SPTBN4: variants seen among roughly 807,000 people sequenced by gnomAD.
The protein encoded by SPTBN4 is spectrin beta chain, non-erythrocytic 4.
In SPTBN4, 96 loss-of-function variants were observed where a neutral mutation model predicts 277.8. The observed-to-expected ratio is 0.35, with a 90% CI of 0.29 to 0.41. The LOEUF (loss-of-function observed/expected upper bound fraction) is 0.41, where lower values mean the gene tolerates loss of function less well. Ranked by LOEUF, SPTBN4 falls within the 10% of genes least tolerant of loss-of-function variation. The pLI, the probability that SPTBN4 is intolerant of heterozygous loss-of-function variation, is 1.00. For missense variants in SPTBN4, 3,006 were observed against 3,595.7 expected (o/e 0.84, Z 4.19); for synonymous variants, 1,481 against 1,580.3 (o/e 0.94, Z 1.49).
At position 40,515,271 on chromosome 19, in the gene SPTBN4, C is replaced by T. The variant is rs746451914; in HGVS notation, c.2766-40C>T. The T allele has an allele frequency of 8.7e-6, 14 of 1,601,968 alleles. No homozygotes were observed. Among genetic ancestry groups the T allele is most frequent in the South Asian group, 7.9e-5 (7 of 88,364 alleles). ...GAAGGTATTTCATAAAACCAAGGTCCGCAGGGTTCGGGTGTCTGAGCATCT... is the reference window on the plus strand; with the variant it reads ...GAAGGTATTTCATAAAACCAAGGTCTGCAGGGTTCGGGTGTCTGAGCATCT... On this transcript the variant is annotated intron_variant, in intron 14 of 35. Coordinates refer to ENST00000598249, the MANE Select transcript of SPTBN4 (RefSeq NM_020971.3). This position sits in a 1 kb window ranked among gnomAD's most constrained non-coding sequence, Gnocchi z 4.1.
intron 20 of SPTBN4, 100 bp downstream of exon 20, chr19:40,534,443 A>T: frequency 7.1e-7 from 1 of 1,399,830 alleles, no homozygotes; most frequent in South Asian, 1.4e-5. Flanking sequence ...GGGATTTAAT[A>T]CAGGGATTTA....
chr19:40,497,064 C>T (rs2080206033), intron 6 of SPTBN4, among the ~76,000 whole-genome samples: 1 of 128,586 alleles, frequency 7.8e-6, no homozygotes. Context: ...CAGAGCGAGA[C>T]TCCATCTCAA....
At chr19:40,529,224 T>G in intron 18 of SPTBN4, 93 bp downstream of exon 18, 1 of 1,234,960 alleles carries the variant, frequency 8.1e-7, no homozygotes, top group South Asian at 1.2e-5. Context: ...ACGCCCCGTC[T>G]AAGTGGGTCG....
intron 17 of SPTBN4, among the ~76,000 whole-genome samples, chr19:40,527,236 C>G (rs2080603296): frequency 6.6e-6 from 1 of 152,302 alleles, no homozygotes; most frequent in South Asian, 2.1e-4. Flanking sequence ...CCTCTCTAAC[C>G]CTGTCTTTTC....
In SPTBN4 at chr19:40,532,782, T is replaced by G. The variant is rs758421153; in HGVS notation, c.4095+11T>G. On this transcript the variant is annotated intron_variant, in intron 19 of 35. Transcript: ENST00000598249. The stretch of plus-strand genomic sequence containing the variant: ...GAGAAGATCGAGCGGGTGAGGAAGC[T>G]GATGGCCCCTCTGCCTGTGCCAGGT... 1 of 1,604,890 alleles carries G rather than the reference T, an allele frequency of 6.2e-7. No homozygotes were observed. The highest frequency in any genetic ancestry group is 8.5e-7 in the Non-Finnish European group (1 of 1,174,714).
intron 20 of SPTBN4, among the ~76,000 whole-genome samples, chr19:40,540,814 CAAAAAAAAAA>C (rs58695945): frequency 2.5e-5 from 2 of 79,322 alleles, no homozygotes; most frequent in Admixed American, 1.8e-4. Context: ...ACCCCCATCT[CAAAAAAAAAA>C]AAAAAAAAAA....
Position 40,487,588 on chromosome 19 carries a change from G to A in SPTBN4, c.170-109G>A, listed in dbSNP as rs983504588. Reference sequence around the variant, plus strand: ...CTCGAACTCCTACCTCAGGTGATCCGCCTGTGAGGCTGGACTCTTGCAGAG... The same window carrying A: ...CTCGAACTCCTACCTCAGGTGATCCACCTGTGAGGCTGGACTCTTGCAGAG... On this transcript the variant is annotated intron_variant, in intron 2 of 35. Coordinates refer to ENST00000598249, the MANE Select transcript of SPTBN4 (RefSeq NM_020971.3). The A allele has an allele frequency of 7.2e-6, 10 of 1,380,056 alleles. No individual in the cohort carries two copies. In the South Asian group the frequency reaches 1.2e-4, roughly 17 times the overall value. 85.5% of individuals were successfully genotyped at this position (1,380,056 alleles called of 1,614,324 possible). A position where few individuals can be genotyped will look rare whatever the true frequency, so the allele number is the denominator to read the frequency against.
At chr19:40,509,320 A>G (rs1460981278) in intron 13 of SPTBN4, among the ~76,000 whole-genome samples, 4 of 152,054 alleles carry the variant, frequency 2.6e-5, no homozygotes, top group Non-Finnish European at 1.5e-5. Flanking sequence ...ATCTCGGCTC[A>G]CTGCAACCTC....
At position 40,519,058 on chromosome 19, in the gene SPTBN4, G is replaced by GC. The variant is rs2145875500; in HGVS notation, c.2904-342dup. Among the ~76,000 whole-genome samples, 1 of 152,278 alleles carries GC rather than the reference G, an allele frequency of 6.6e-6. No homozygotes were observed. The highest frequency in any genetic ancestry group is 1.5e-5 in the Non-Finnish European group (1 of 68,010). On this transcript the variant is annotated intron_variant, in intron 15 of 35. Transcript: ENST00000598249. The surrounding 1 kb of genome is among the most constrained non-coding windows in gnomAD (Gnocchi z 5.7). ...GTCTGGTTTAAGAGATGGCAGCTGG[G>GC]CTTCTCTTAAATCAGAGTCGGCTTC...
At chr19:40,540,443 T>C (rs1340618165) in intron 20 of SPTBN4, among the ~76,000 whole-genome samples, 2 of 151,954 alleles carry the variant, frequency 1.3e-5, no homozygotes, top group Non-Finnish European at 2.9e-5. Context: ...GGTCTCACTA[T>C]GTTACCCAGG....
intron 19 of SPTBN4, among the ~76,000 whole-genome samples, chr19:40,533,635 A>C (rs1217429514): frequency 1.3e-5 from 2 of 152,032 alleles, no homozygotes; most frequent in Non-Finnish European, 2.9e-5. Flanking sequence ...ATGGAAGTTC[A>C]TTCTCTCCCT....
At chr19:40,477,314 G>T (rs1016201375) in intron 2 of SPTBN4, among the ~76,000 whole-genome samples, 1 of 152,140 alleles carries the variant, frequency 6.6e-6, no homozygotes, top group Non-Finnish European at 1.5e-5. Context: ...CTCCCAAAGT[G>T]TTGGGATTAC....
At position 40,490,224 on chromosome 19, in the gene SPTBN4, C is replaced by G; in HGVS notation, c.471C>G (p.Val157=). ...ATCACCGGCTGACGCTGGGGCTGGT[C>G]TGGACCATCATCCTGCGCTTCCAGG... ...DGNHRLTLGL[V]WTIILRFQIQ... Residue 157 remains valine (V), a synonymous_variant, in exon 4 of 36, where the codon GTC becomes GTG. Coordinates refer to ENST00000598249, the MANE Select transcript of SPTBN4 (RefSeq NM_020971.3). This position sits in a 1 kb window ranked among gnomAD's most constrained non-coding sequence, Gnocchi z 4.3. The G allele has an allele frequency of 6.2e-7, 1 of 1,614,100 alleles. No homozygotes were observed. Among genetic ancestry groups the G allele is most frequent in the Non-Finnish European group, 8.5e-7 (1 of 1,179,968 alleles).
intron 2 of SPTBN4, among the ~76,000 whole-genome samples, chr19:40,478,138 C>A (rs909805179): frequency 6.6e-6 from 1 of 152,104 alleles, no homozygotes; most frequent in East Asian, 1.9e-4. Context: ...CTGAGCCTGG[C>A]AGAAGCCAGC....
chr19:40,570,745 G>A lies in SPTBN4; in HGVS notation c.7319+17G>A. 1.2e-6 allele frequency: 2 copies of A among 1,600,388 alleles called. No individual in the cohort carries two copies. Among genetic ancestry groups the A allele is most frequent in the Non-Finnish European group, 1.7e-6 (2 of 1,174,112 alleles). ...GTCCAACCGGTGAGCGTGTGGGCGG[G>A]GCTTTGGAAGGCGGGTCTCAGGCTC... On this transcript the variant is annotated intron_variant, in intron 33 of 35. Transcript: ENST00000598249.
In SPTBN4 at chr19:40,568,062, A is replaced by C. The variant is rs2081114265; in HGVS notation, c.6736A>C (p.Arg2246=). Residue 2246 remains arginine (R), a synonymous_variant, in exon 31 of 36, where the codon AGG becomes CGG. Transcript: ENST00000598249. The part of the protein sequence containing the change: ...SADRAEELPR[R]RRPERQESVD... ...TGATCGCGCGGAGGAGCTGCCCAGG[A>C]GGCGGCGGCCTGAGCGGCAAGAGTC... is the stretch of plus-strand genomic sequence containing the variant. 6.4e-7 allele frequency: 1 copy of C among 1,558,768 alleles called. No homozygotes were observed. Among genetic ancestry groups the C allele is most frequent in the Non-Finnish European group, 8.7e-7 (1 of 1,152,156 alleles).
chr19:40,485,142 CT>C (rs2080057616), intron 2 of SPTBN4, among the ~76,000 whole-genome samples: 1 of 151,778 alleles, frequency 6.6e-6, no homozygotes, highest in Non-Finnish European at 1.5e-5. Flanking sequence ...CGTGCCTGGC[CT>C]AAACTTTATT....
intron 33 of SPTBN4, 61 bp from the exon 34 acceptor site, chr19:40,571,958 A>G (rs1207417932): frequency 6.7e-7 from 1 of 1,482,008 alleles, no homozygotes; most frequent in Non-Finnish European, 9.0e-7. Context: ...TGAGGATGTT[A>G]ATGAAGAGTT....
At chr19:40,533,943 C>A in intron 19 of SPTBN4, 137 bp from the exon 20 acceptor site, 1 of 1,102,906 alleles carries the variant, frequency 9.1e-7, no homozygotes. Flanking sequence ...CTCTCTCTCC[C>A]TATGTGTCTC....
Sources: gnomAD v4.1 joint callset for allele counts (sites outside exome capture counted in the v4.1 genomes callset) on GRCh38, gnomAD v4.1.1 for gene constraint, Gnocchi (gnomAD v3.1) non-coding constraint, MANE v1.5 for transcripts, NCBI Gene and HGNC (gene_info 2026-07-23, HGNC 2026-07-21) for gene names.